The following OXR1 variants were observed in gnomAD, a reference collection of about 807,000 sequenced individuals.
OXR1 encodes the protein oxidation resistance 1.
OXR1 carries 41 observed loss-of-function variants against 104.6 expected under a neutral mutation model. The observed-to-expected ratio is 0.39, with a 90% CI of 0.31 to 0.51. OXR1 has a LOEUF of 0.51. Among genes scored for constraint, OXR1 ranks in the 20% least tolerant of loss-of-function variants. OXR1 has a pLI of 0.77. For synonymous variants in OXR1, 348 were observed against 348.4 expected (o/e 1.00, Z 0.01); for missense variants, 955 against 1,031.9 (o/e 0.93, Z 1.02).
chr8:106,672,737 C>T (rs1827173357), intron 3 of OXR1, among the ~76,000 whole-genome samples: 1 of 152,028 alleles, frequency 6.6e-6, no homozygotes, highest in African/African-American at 2.4e-5. Context: ...ATCATGGGGG[C>T]AGTTTCCCCC....
intron 3 of OXR1, among the ~76,000 whole-genome samples, chr8:106,560,542 C>A (rs1816601242): frequency 6.7e-6 from 1 of 150,048 alleles, no homozygotes; most frequent in Non-Finnish European, 1.5e-5. Context: ...ATCTGTAAGA[C>A]CTGGAAGTCC....
chr8:106,334,377 G>A (rs989293348), intron 1 of OXR1, among the ~76,000 whole-genome samples: 2 of 152,000 alleles, frequency 1.3e-5, no homozygotes, highest in Non-Finnish European at 2.9e-5. Context: ...GAATCCTTAG[G>A]ATATCTGCAA....
intron 3 of OXR1, among the ~76,000 whole-genome samples, chr8:106,519,487 G>C (rs1222495655): frequency 2.0e-5 from 3 of 152,152 alleles, no homozygotes; most frequent in Admixed American, 1.3e-4. Context: ...TGTTCAGCCA[G>C]CACCTTTCTT....
At chr8:106,397,303 A>T (rs1442720712) in intron 2 of OXR1, among the ~76,000 whole-genome samples, 2 of 152,132 alleles carry the variant, frequency 1.3e-5, no homozygotes, top group Non-Finnish European at 2.9e-5. Context: ...AAACCCTAGG[A>T]AGGTGGGGTA....
At chr8:106,456,241 T>C (rs1456292881) in intron 2 of OXR1, among the ~76,000 whole-genome samples, 4 of 152,164 alleles carry the variant, frequency 2.6e-5, no homozygotes, top group South Asian at 4.1e-4. Flanking sequence ...ACGAAGATAC[T>C]GTCTTTCTGT....
At chr8:106,566,320 A>G (rs922666054) in intron 3 of OXR1, among the ~76,000 whole-genome samples, 6 of 152,222 alleles carry the variant, frequency 3.9e-5, no homozygotes, top group African/African-American at 1.4e-4. Flanking sequence ...GGATATGAAC[A>G]GACACTTTTC....
chr8:106,390,510 T>C (rs1817550968), intron 2 of OXR1, among the ~76,000 whole-genome samples: 1 of 152,182 alleles, frequency 6.6e-6, no homozygotes, highest in African/African-American at 2.4e-5. Context: ...ATAAGGAAAC[T>C]GAGATACAGA....
At chr8:106,486,295 C>T (rs989047938) in intron 2 of OXR1, among the ~76,000 whole-genome samples, 9 of 152,016 alleles carry the variant, frequency 5.9e-5, no homozygotes, top group Admixed American at 2.6e-4. Flanking sequence ...TACATTACAA[C>T]CTCTAATTGC....
intron 2 of OXR1, among the ~76,000 whole-genome samples, chr8:106,514,108 A>T (rs967100036): frequency 1.3e-5 from 2 of 152,174 alleles, no homozygotes; most frequent in African/African-American, 4.8e-5. Context: ...TGCAAAGCAC[A>T]TTCAACAAAG....
intron 2 of OXR1, among the ~76,000 whole-genome samples, chr8:106,474,054 C>G (rs936297203): frequency 7.1e-6 from 1 of 140,840 alleles, no homozygotes; most frequent in Non-Finnish European, 1.5e-5. Flanking sequence ...CACACACACA[C>G]AGTATTTCAT....
intron 2 of OXR1, among the ~76,000 whole-genome samples, chr8:106,390,517 C>T (rs895725128): frequency 3.3e-5 from 5 of 152,116 alleles, no homozygotes; most frequent in Admixed American, 3.3e-4. Context: ...AACTGAGATA[C>T]AGAGAGGTTA....
chr8:106,666,648 G>A (rs1183777147), intron 3 of OXR1, among the ~76,000 whole-genome samples: 2 of 152,142 alleles, frequency 1.3e-5, no homozygotes, highest in African/African-American at 4.8e-5. Context: ...TTGCTAAGAG[G>A]TAACGTCAGG....
intron 2 of OXR1, among the ~76,000 whole-genome samples, chr8:106,474,536 GA>G (rs1057259104): frequency 2.1e-5 from 3 of 146,182 alleles, no homozygotes; most frequent in Admixed American, 6.8e-5. Flanking sequence ...GTAAAAAGTT[GA>G]AAAAAAAACA....
intron 1 of OXR1, among the ~76,000 whole-genome samples, chr8:106,275,189 C>A (rs1811987177): frequency 6.6e-6 from 1 of 152,218 alleles, no homozygotes. Flanking sequence ...AAAACAGTTA[C>A]ATGGATTTCT....
intron 11 of OXR1, 42 bp downstream of exon 11, chr8:106,714,027 T>C: frequency 1.4e-6 from 2 of 1,449,066 alleles, no homozygotes; most frequent in Non-Finnish European, 1.9e-6. Flanking sequence ...CTTTTTAGTT[T>C]GTATGAATTT....
intron 1 of OXR1, among the ~76,000 whole-genome samples, chr8:106,286,417 C>T (rs1220728392): frequency 2.1e-5 from 3 of 143,596 alleles, no homozygotes; most frequent in South Asian, 2.1e-4. Context: ...AACATAAATG[C>T]TGCCTAAACT....
intron 3 of OXR1, among the ~76,000 whole-genome samples, chr8:106,667,175 C>T (rs554599248): frequency 6.6e-6 from 1 of 152,062 alleles, no homozygotes; most frequent in Non-Finnish European, 1.5e-5. Context: ...AATTTTGATG[C>T]CAAGATCTGA....
chr8:106,445,369 A>G (rs1819970096), intron 2 of OXR1, among the ~76,000 whole-genome samples: 1 of 152,140 alleles, frequency 6.6e-6, no homozygotes, highest in East Asian at 1.9e-4. Context: ...GTCCATTCAA[A>G]CATTAGCATT....
At position 106,734,034 on chromosome 8, in the gene OXR1, AG is replaced by A. The variant is rs1224058002; in HGVS notation, c.1957-3484del. On this transcript the variant is annotated intron_variant, in intron 11 of 16. Transcript: ENST00000517566. ...AAGACAGGATTTTGCTCTGTTGCCC[AG>A]GATGGAGTGCAGTGGCTTGATCTTG... is the stretch of plus-strand genomic sequence containing the variant. Among the ~76,000 whole-genome samples the A allele has an allele frequency of 1.4e-5, 2 of 147,502 alleles. 1 individual carries two copies. Among genetic ancestry groups the A allele is most frequent in the Non-Finnish European group, 3.0e-5 (2 of 67,240 alleles).
Sources: allele counts gnomAD v4.1 joint callset (sites outside exome capture counted in the v4.1 genomes callset), GRCh38; gene constraint gnomAD v4.1.1; transcripts MANE v1.5; gene names NCBI Gene and HGNC (gene_info 2026-07-23, HGNC 2026-07-21).